The following SMAD4 variants were observed in gnomAD, a reference collection of about 807,000 sequenced individuals.
The protein encoded by SMAD4 is SMAD family member 4.
SMAD4 carries 7 observed loss-of-function variants against 63.2 expected under a neutral mutation model. The observed-to-expected ratio is 0.11, with a 90% CI of 0.06 to 0.21. SMAD4 has a LOEUF of 0.21. SMAD4 is among the 10% of genes least tolerant of loss of function. SMAD4 has a pLI of 1.00. For synonymous variants in SMAD4, 215 were observed against 235.4 expected, an observed-to-expected ratio of 0.91 and a Z score of 0.79; for missense variants, 312 against 693.8, an observed-to-expected ratio of 0.45 and a Z score of 6.18.
chr18:51,057,330 A>G (rs1909871963), intron 5 of SMAD4, among the ~76,000 whole-genome samples: 1 of 152,158 alleles, frequency 6.6e-6, no homozygotes, highest in Admixed American at 6.5e-5. Flanking sequence ...TTAAAAAAAA[A>G]GCCTTAAAAA....
chr18:51,030,809 C>T (rs1909023681), intron 1 of SMAD4, among the ~76,000 whole-genome samples, 186 bp downstream of exon 1: 1 of 151,512 alleles, frequency 6.6e-6, no homozygotes, highest in Admixed American at 6.6e-5. Flanking sequence ...GGCTGAATGC[C>T]GGGCGGCGGT....
At chr18:51,046,132 A>G (rs1258370381) in intron 1 of SMAD4, among the ~76,000 whole-genome samples, 1 of 152,160 alleles carries the variant, frequency 6.6e-6, no homozygotes, top group Non-Finnish European at 1.5e-5. Flanking sequence ...AGAAGTGTGA[A>G]GAGTAGAATT....
At chr18:51,077,453 T>G in intron 11 of SMAD4, 4 of 870,960 alleles carry the variant, frequency 4.6e-6, no homozygotes, top group Non-Finnish European at 5.5e-6. Flanking sequence ...AAAACTGCAG[T>G]GGCCCTGCAG....
chr18:51,054,909 T>TA lies in SMAD4; in HGVS notation c.584dup (p.Tyr195Ter). 1 of 1,614,118 alleles carries TA rather than the reference T, an allele frequency of 6.2e-7. No homozygotes were observed. The highest frequency in any genetic ancestry group is 8.5e-7 in the Non-Finnish European group (1 of 1,179,974). ...AAGTAATCGTGCATCGACAGAGACA[T>TA]ACAGCACCCCAGCTCTGTTAGCCCC... ...PPSNRASTET[Y>*]STPALLAPSE... Residue 195 changes from tyrosine (Y) to a stop codon, truncating the protein, a stop_gained and frameshift_variant, in exon 5 of 12, where the codon TAC becomes TAAC. Transcript: ENST00000342988. LOFTEE classifies it high-confidence loss of function.
intron 9 of SMAD4, 103 bp from the exon 10 acceptor site, chr18:51,066,915 CT>C (rs1910174088): frequency 2.2e-6 from 2 of 914,892 alleles, no homozygotes; most frequent in Non-Finnish European, 3.5e-6. Flanking sequence ...TTTATGTGAT[CT>C]TTATTTTTAA....
At chr18:51,050,319 A>G (rs1489134598) in intron 4 of SMAD4, among the ~76,000 whole-genome samples, 2 of 149,716 alleles carry the variant, frequency 1.3e-5, no homozygotes, top group Non-Finnish European at 3.0e-5. Flanking sequence ...AGATCACGCC[A>G]TTGCACTCCA....
At chr18:51,045,998 G>C (rs1023298284) in intron 1 of SMAD4, among the ~76,000 whole-genome samples, 2 of 152,092 alleles carry the variant, frequency 1.3e-5, no homozygotes, top group South Asian at 4.1e-4. Flanking sequence ...ATATTTCGTT[G>C]TATGGAATTT....
At chr18:51,036,623 ATAAT>A (rs992500916) in intron 1 of SMAD4, among the ~76,000 whole-genome samples, 3 of 152,256 alleles carry the variant, frequency 2.0e-5, no homozygotes, top group Admixed American at 2.0e-4. Context: ...CAACTTCTAT[ATAAT>A]TAGTCTTTTT....
Position 51,068,922 on chromosome 18 carries a change from AAAAT to A in SMAD4, c.1308+1749_1308+1752del, listed in dbSNP as rs140069461. Among the ~76,000 whole-genome samples, 185 of 152,258 alleles carry A rather than the reference AAAAT, an allele frequency of 1.2e-3. 3 individuals carry two copies. Among genetic ancestry groups the A allele is most frequent in the East Asian group, 0.01 (52 of 5,190 alleles). On this transcript the variant is annotated intron_variant, in intron 10 of 11. Transcript: ENST00000342988. ...GGTGATAGAGTGAGACCCTTTCTCAAAAATAAATAAATAAATAGACAATACATAG... is the reference window on the plus strand; with the variant it reads ...GGTGATAGAGTGAGACCCTTTCTCAAAAATAAATAAATAGACAATACATAG...
intron 1 of SMAD4, among the ~76,000 whole-genome samples, chr18:51,042,526 C>G (rs1452838943): frequency 6.6e-6 from 1 of 151,814 alleles, no homozygotes; most frequent in Non-Finnish European, 1.5e-5. Context: ...CATGTGCCAC[C>G]ATGCCCCACT....
chr18:51,077,007 G>A, intron 11 of SMAD4: 1 of 430,446 alleles, frequency 2.3e-6, no homozygotes, highest in Non-Finnish European at 4.2e-6. Context: ...AAGGAGAAAG[G>A]GGATGATTAT....
intron 1 of SMAD4, 74 bp from the exon 2 acceptor site, chr18:51,046,846 A>G (rs868748315): frequency 5.5e-6 from 3 of 549,412 alleles, no homozygotes; most frequent in Non-Finnish European, 6.4e-6. Context: ...GAGCAATTTC[A>G]TCTTTTCCCA....
intron 1 of SMAD4, among the ~76,000 whole-genome samples, chr18:51,033,589 CAG>C (rs1156356285): frequency 3.9e-5 from 6 of 152,228 alleles, no homozygotes; most frequent in African/African-American, 1.4e-4. Flanking sequence ...GAAATTCAAA[CAG>C]TTCACAAATA....
At chr18:51,067,861 A>G (rs375787597) in intron 10 of SMAD4, among the ~76,000 whole-genome samples, 20 of 152,322 alleles carry the variant, frequency 1.3e-4, no homozygotes, top group Admixed American at 4.6e-4. Context: ...AGAATTCTAA[A>G]ATTAATAGCT....
Position 51,082,377 on chromosome 18 carries a change from C to T in SMAD4, c.*3910C>T, listed in dbSNP as rs1161679322. 8.8e-6 allele frequency: 2 copies of T among 227,496 alleles called. No individual in the cohort carries two copies. The highest frequency in any genetic ancestry group is 6.3e-5 in the East Asian group (1 of 15,826). The allele number at this position is 227,496 out of a possible 1,614,324, so 14.1% of individuals were successfully genotyped here. On this transcript the variant is annotated 3_prime_UTR_variant, in exon 12 of 12. Coordinates refer to ENST00000342988, the MANE Select transcript of SMAD4 (RefSeq NM_005359.6). ...TAACTAAGTAATTTCTTTGAACATA[C>T]CAAGAAGTATGTAAAAAGTCCATGG...
chr18:51,049,680 T>C (rs1487254617), intron 4 of SMAD4: 1 of 236,558 alleles, frequency 4.2e-6, no homozygotes, highest in Non-Finnish European at 8.3e-6. Context: ...ACCCAGAATA[T>C]TTGGTAATTT....
intron 10 of SMAD4, among the ~76,000 whole-genome samples, chr18:51,067,840 T>A (rs1180930467): frequency 2.6e-5 from 4 of 152,208 alleles, no homozygotes; most frequent in Non-Finnish European, 5.9e-5. Context: ...ATCTTCAGGA[T>A]TTTATGGAAG....
intron 1 of SMAD4, 129 bp from the exon 2 acceptor site, chr18:51,046,791 G>C (rs1909555749): frequency 4.6e-6 from 2 of 434,638 alleles, no homozygotes; most frequent in African/African-American, 4.1e-5. Context: ...TTTCAACTCT[G>C]AGCATCAAAT....
At chr18:51,038,795 C>A (rs1161644140) in intron 1 of SMAD4, among the ~76,000 whole-genome samples, 1 of 151,968 alleles carries the variant, frequency 6.6e-6, no homozygotes, top group East Asian at 1.9e-4. Flanking sequence ...ATTAATAAAG[C>A]AAATACCAAA....
Sources: allele counts gnomAD v4.1 joint callset (sites outside exome capture counted in the v4.1 genomes callset), GRCh38; gene constraint gnomAD v4.1.1; transcripts MANE v1.5; gene names NCBI Gene and HGNC (gene_info 2026-07-23, HGNC 2026-07-21).